The following ANO4 variants were observed in gnomAD, a reference collection of about 807,000 sequenced individuals.
ANO4 encodes the protein anoctamin 4.
In ANO4, 69 loss-of-function variants were observed where a neutral mutation model predicts 141.9. The observed-to-expected ratio is 0.49, with a 90% confidence interval of 0.40 to 0.59. The LOEUF (loss-of-function observed/expected upper bound fraction) is 0.59. Among genes scored for constraint, ANO4 ranks in the 20% least tolerant of loss-of-function variants. ANO4 has a pLI of 0.00. For missense variants in ANO4, 894 were observed against 1,162.2 expected, an observed-to-expected ratio of 0.77 and a Z score of 3.36; for synonymous variants, 350 against 394.3, an observed-to-expected ratio of 0.89 and a Z score of 1.33.
chr12:100,765,571 G>A (rs1395632368), intron 3 of ANO4, among the ~76,000 whole-genome samples: 1 of 150,570 alleles, frequency 6.6e-6, no homozygotes, highest in Non-Finnish European at 1.5e-5. Flanking sequence ...TTTTTGTAGA[G>A]ACAAGGTCTT....
Position 100,880,946 on chromosome 12 carries a change from A to G in ANO4, c.-140-20700A>G, listed in dbSNP as rs145921880. 2.4e-3 allele frequency among the ~76,000 whole-genome samples: 366 copies of G among 152,320 alleles called. 2 individuals carry two copies. Among genetic ancestry groups the G allele is most frequent in the East Asian group, 0.018 (94 of 5,188 alleles). On this transcript the variant is annotated intron_variant, in intron 1 of 27. Coordinates refer to ENST00000392977, the MANE Select transcript of ANO4 (RefSeq NM_001286615.2). The stretch of plus-strand genomic sequence containing the variant: ...TCTTAAAAGGGGCCAGATTTTGTGA[A>G]CATAGATGCCTGTCCTTCAGAGTTT...
chr12:100,724,409 A>T (rs2136749162), intron 1 of ANO4, among the ~76,000 whole-genome samples: 1 of 152,314 alleles, frequency 6.6e-6, no homozygotes, highest in African/African-American at 2.4e-5. Context: ...GCCCTCTGGG[A>T]GTCTGGGTCT....
chr12:100,938,106 A>T (rs192806378), intron 3 of ANO4, among the ~76,000 whole-genome samples: 8 of 152,332 alleles, frequency 5.3e-5, no homozygotes, highest in African/African-American at 1.9e-4. Flanking sequence ...TATGCCCATT[A>T]TATTTTACAG....
intron 1 of ANO4, among the ~76,000 whole-genome samples, chr12:100,894,788 A>C (rs1210214402): frequency 6.6e-6 from 1 of 151,824 alleles, no homozygotes; most frequent in African/African-American, 2.4e-5. Context: ...AAAACGGTGA[A>C]ACCCCGTCTC....
intron 3 of ANO4, among the ~76,000 whole-genome samples, chr12:100,767,274 G>T (rs1490565260): frequency 6.6e-6 from 1 of 151,956 alleles, no homozygotes; most frequent in Non-Finnish European, 1.5e-5. Flanking sequence ...TAGTTTCTTT[G>T]TTCCATTCTT....
intron 5 of ANO4, among the ~76,000 whole-genome samples, chr12:100,970,663 CTCCTTCCTTCCTTCCT>C (rs59596019): frequency 0.033 from 3,033 of 91,646 alleles, 186 homozygotes; most frequent in African/African-American, 0.11. Context: ...CTCCCTCCCT[CTCCTTCCTTCCTTCCT>C]TCCTTCCTTC....
chr12:100,924,643 C>G (rs2041787067), intron 3 of ANO4, among the ~76,000 whole-genome samples: 1 of 151,968 alleles, frequency 6.6e-6, no homozygotes, highest in Non-Finnish European at 1.5e-5. Flanking sequence ...GATTATTAGA[C>G]ATTGGAGAGA....
At chr12:100,875,096 T>C (rs2135938635) in intron 1 of ANO4, among the ~76,000 whole-genome samples, 2 of 152,204 alleles carry the variant, frequency 1.3e-5, no homozygotes, top group East Asian at 3.9e-4. Context: ...TATTTTGCAA[T>C]GTGAGAAGGA....
chr12:101,007,683 AT>A (rs1479206001), intron 8 of ANO4, among the ~76,000 whole-genome samples: 6 of 152,122 alleles, frequency 3.9e-5, no homozygotes, highest in African/African-American at 1.4e-4. Flanking sequence ...TAGCTATATT[AT>A]TTGGGGGGGA....
At chr12:101,035,450 G>A (rs571562925) in intron 9 of ANO4, among the ~76,000 whole-genome samples, 37 of 152,260 alleles carry the variant, frequency 2.4e-4, no homozygotes, top group African/African-American at 7.0e-4. Flanking sequence ...ATTCTTAGTC[G>A]TACTGATGGT....
chr12:100,818,890 A>G (rs970763121), intron 1 of ANO4, among the ~76,000 whole-genome samples: 9 of 151,892 alleles, frequency 5.9e-5, no homozygotes, highest in South Asian at 2.1e-4. Context: ...ACAAGAAAGA[A>G]TTATCAGTTC....
intron 5 of ANO4, among the ~76,000 whole-genome samples, chr12:100,946,005 G>A (rs1592797322): frequency 1.3e-5 from 2 of 152,168 alleles, no homozygotes; most frequent in African/African-American, 4.8e-5. Context: ...AAAAAGTAAA[G>A]CAGGAAGTGT....
intron 1 of ANO4, among the ~76,000 whole-genome samples, chr12:100,807,190 A>G (rs932179465): frequency 1.3e-5 from 2 of 152,300 alleles, no homozygotes; most frequent in Admixed American, 1.3e-4. Context: ...TTCAGGCACG[A>G]TGTGTCTTTT....
chr12:100,979,831 C>T (rs1183842433), intron 7 of ANO4, among the ~76,000 whole-genome samples: 3 of 151,710 alleles, frequency 2.0e-5, no homozygotes, highest in Admixed American at 2.0e-4. Context: ...GGGTTCACGC[C>T]ATTCTCCTGC....
exon 3 of ANO4, chr12:100,739,959 A>G (rs906968328): frequency 1.4e-6 from 1 of 702,532 alleles, no homozygotes; most frequent in Admixed American, 2.0e-5. Context: ...TTCGTCTCCA[A>G]AGATGCAGGC....
chr12:100,928,090 T>C (rs2136125906), intron 3 of ANO4, among the ~76,000 whole-genome samples: 1 of 152,124 alleles, frequency 6.6e-6, no homozygotes, highest in South Asian at 2.1e-4. Context: ...ATCTAATTCT[T>C]TAGCCCTGAT....
chr12:100,768,161 G>A (rs1022247699), intron 3 of ANO4, among the ~76,000 whole-genome samples: 1 of 152,148 alleles, frequency 6.6e-6, no homozygotes, highest in African/African-American at 2.4e-5. Context: ...ATGAAAACAA[G>A]CTTGGATCCT....
intron 5 of ANO4, among the ~76,000 whole-genome samples, chr12:100,960,751 G>A (rs910902272): frequency 2.6e-5 from 4 of 152,172 alleles, no homozygotes; most frequent in African/African-American, 4.8e-5. Flanking sequence ...AGGGCATAGC[G>A]ATTCATGGGT....
At chr12:101,056,279 T>A (rs189873769) in intron 14 of ANO4, among the ~76,000 whole-genome samples, 22 of 152,312 alleles carry the variant, frequency 1.4e-4, no homozygotes, top group Non-Finnish European at 1.5e-5. Context: ...CTCTAAGCAA[T>A]GTCTTATTAT....
Sources: gnomAD v4.1 joint callset for allele counts (sites outside exome capture counted in the v4.1 genomes callset) on GRCh38, gnomAD v4.1.1 for gene constraint, MANE v1.5 for transcripts, NCBI Gene and HGNC (gene_info 2026-07-23, HGNC 2026-07-21) for gene names.